KCTD13: variants seen among roughly 807,000 people sequenced by gnomAD.
KCTD13 encodes the protein potassium channel tetramerization domain containing 13.
A neutral mutation model predicts 32.3 loss-of-function variants in KCTD13; 15 were observed. The observed-to-expected ratio is 0.46, with a 90% CI of 0.31 to 0.71. The LOEUF is 0.71. Ranked by LOEUF, KCTD13 falls within the 30% of genes least tolerant of loss-of-function variation. KCTD13 has a pLI of 0.05. For synonymous variants in KCTD13, 189 were observed against 200.1 expected (o/e 0.94, Z 0.47); for missense variants, 337 against 452.6 (o/e 0.74, Z 2.32).
At chr16:29,909,539 G>A (rs919275098) in intron 5 of KCTD13, among the ~76,000 whole-genome samples, 7 of 152,144 alleles carry the variant, frequency 4.6e-5, no homozygotes, top group African/African-American at 1.7e-4. Context: ...GCCCGGTACA[G>A]TACTTAGCAC....
At chr16:29,923,769 G>A (rs1208239462) in intron 1 of KCTD13, among the ~76,000 whole-genome samples, 1 of 152,016 alleles carries the variant, frequency 6.6e-6, no homozygotes, top group African/African-American at 2.4e-5. Context: ...CAGGAGAATC[G>A]CTTGAAGCCG....
chr16:29,925,391 C>A, intron 1 of KCTD13: 1 of 286,352 alleles, frequency 3.5e-6, no homozygotes, highest in Non-Finnish European at 6.8e-6. Flanking sequence ...GAGAGGGAAA[C>A]AAAAGGCTGG....
intron 3 of KCTD13, 27 bp downstream of exon 3, chr16:29,911,933 C>T (rs1206534635): frequency 2.5e-6 from 4 of 1,609,432 alleles, no homozygotes; most frequent in African/African-American, 2.7e-5. Flanking sequence ...CAGTGAGCCT[C>T]CACCCTGCAG....
In KCTD13 at chr16:29,911,464, G is replaced by C. The variant is rs151147163; in HGVS notation, c.558-291C>G. 1.0e-3 allele frequency: 591 copies of C among 563,838 alleles called. 14 individuals carry two copies. In the East Asian group the frequency reaches 0.014, roughly 13 times the overall value. 34.9% of individuals were successfully genotyped at this position (563,838 alleles called of 1,614,324 possible). A position where few individuals can be genotyped will look rare whatever the true frequency, so the allele number is the denominator to read the frequency against. On this transcript the variant is annotated intron_variant, in intron 4 of 5. Transcript: ENST00000568000. The stretch of plus-strand genomic sequence containing the variant: ...CCATTTTTTAACTGGGTGACACTAG[G>C]CAAGTTACTTCACCTCTTGGTGTCC...
chr16:29,907,072 G>A lies in KCTD13; in HGVS notation c.790C>T (p.Leu264=), dbSNP rs542170510. ...GGAGTCTCGTAGATGAGGATGTTCA[G>A]GGTCTCCTCGAAGATCCGGGCCTCT... The part of the protein sequence containing the change: ...FPEARIFEET[L]NILIYETPRG... Residue 264 remains leucine, a synonymous_variant, in exon 6 of 6, where the codon CTG becomes TTG. Transcript: ENST00000568000. 6.2e-7 allele frequency: 1 copy of A among 1,612,178 alleles called. No homozygotes were observed. The highest frequency in any genetic ancestry group is 1.1e-5 in the South Asian group (1 of 91,052).
In KCTD13 at chr16:29,926,103, C is replaced by G; in HGVS notation, c.-70G>C. On this transcript the variant is annotated 5_prime_UTR_variant, in exon 1 of 6. Transcript: ENST00000568000. The stretch of plus-strand genomic sequence containing the variant: ...CCTGCGGCCTGCTCCCGAAGACCCT[C>G]GGCCGGCCCCCAGCCCTTGGGCCAG... 1.4e-6 allele frequency: 2 copies of G among 1,426,326 alleles called. No homozygotes were observed. The highest frequency in any genetic ancestry group is 1.8e-6 in the Non-Finnish European group (2 of 1,097,556). The allele number at this position is 1,426,326 out of a possible 1,614,324, so 88.4% of individuals were successfully genotyped here. A position where few individuals can be genotyped will look rare whatever the true frequency, so the allele number is the denominator to read the frequency against.
At chr16:29,911,906 G>T in intron 3 of KCTD13, 39 bp from the exon 4 acceptor site, 2 of 1,609,648 alleles carry the variant, frequency 1.2e-6, no homozygotes, top group Non-Finnish European at 8.5e-7. Flanking sequence ...GGGTGAGGCT[G>T]CAGGGAGAGG....
At chr16:29,913,672 G>C (rs1480970069) in intron 2 of KCTD13, 2 of 152,156 alleles carry the variant, frequency 1.3e-5, no homozygotes, top group African/African-American at 2.4e-5. Flanking sequence ...CTCTGAGAAA[G>C]CTTGTTCATG....
chr16:29,914,318 C>T (rs996331398), intron 2 of KCTD13: 1 of 152,182 alleles, frequency 6.6e-6, no homozygotes, highest in Non-Finnish European at 1.5e-5. Context: ...TCCAGGATCC[C>T]CCATCATCCC....
intron 5 of KCTD13, among the ~76,000 whole-genome samples, chr16:29,909,512 A>G (rs2068668610): frequency 6.6e-6 from 1 of 152,150 alleles, no homozygotes; most frequent in East Asian, 1.9e-4. Flanking sequence ...TCAGCACTTC[A>G]TTCCCCTTGA....
At chr16:29,921,429 C>T (rs1021264140) in intron 2 of KCTD13, 2 of 152,150 alleles carry the variant, frequency 1.3e-5, no homozygotes, top group Non-Finnish European at 1.5e-5. Flanking sequence ...TAGAAAAGTA[C>T]AGCTCTTGGG....
intron 5 of KCTD13, among the ~76,000 whole-genome samples, chr16:29,909,477 A>G (rs1344897364): frequency 1.3e-5 from 2 of 152,156 alleles, no homozygotes; most frequent in African/African-American, 2.4e-5. Context: ...GGAAGGGACC[A>G]GATGAGGAAG....
chr16:29,919,935 T>C (rs1035062875), intron 2 of KCTD13: 2 of 152,324 alleles, frequency 1.3e-5, no homozygotes, highest in South Asian at 2.1e-4. Context: ...GTGGGTGACA[T>C]TCTAAGAAAA....
chr16:29,921,535 G>C (rs1379462135), intron 2 of KCTD13: 1 of 151,934 alleles, frequency 6.6e-6, no homozygotes, highest in African/African-American at 2.4e-5. Flanking sequence ...AAGCTCCCTC[G>C]CGTTTCTTTT....
chr16:29,911,397 G>A (rs2068706377), intron 4 of KCTD13: 4 of 570,772 alleles, frequency 7.0e-6, no homozygotes, highest in Non-Finnish European at 1.2e-5. Context: ...GCTCCAGTGA[G>A]GGACCGGGAG....
intron 5 of KCTD13, 71 bp from the exon 6 acceptor site, chr16:29,907,179 G>A (rs565806505): frequency 9.1e-7 from 1 of 1,096,464 alleles, no homozygotes; most frequent in Non-Finnish European, 1.3e-6. Context: ...CCTGCCTAGG[G>A]CCCCTGCACC....
intron 2 of KCTD13, chr16:29,913,170 C>T (rs1254129555): frequency 1.4e-5 from 2 of 139,626 alleles, no homozygotes; most frequent in African/African-American, 5.4e-5. Flanking sequence ...GTCATCCAGG[C>T]TGAGTGCAGT....
chr16:29,911,181 C>T lies in KCTD13; in HGVS notation c.558-8G>A. On this transcript the variant is annotated splice_region_variant and splice_polypyrimidine_tract_variant and intron_variant, in intron 4 of 5. Transcript: ENST00000568000. Reference sequence around the variant, plus strand: ...AGGTTGTCATCTGAAGTGCTGGGGACCAGGGGACCAGGAGGCCTCAGCGCA... The same window carrying T: ...AGGTTGTCATCTGAAGTGCTGGGGATCAGGGGACCAGGAGGCCTCAGCGCA... 6.2e-7 allele frequency: 1 copy of T among 1,612,654 alleles called. No homozygotes were observed. Among genetic ancestry groups the T allele is most frequent in the Non-Finnish European group, 8.5e-7 (1 of 1,178,984 alleles).
chr16:29,909,557 G>C (rs933294583), intron 5 of KCTD13, among the ~76,000 whole-genome samples: 2 of 152,134 alleles, frequency 1.3e-5, no homozygotes, highest in Non-Finnish European at 2.9e-5. Flanking sequence ...CACAGAGCAG[G>C]GGCTTGGGGA....
Sources: allele counts gnomAD v4.1 joint callset (sites outside exome capture counted in the v4.1 genomes callset), GRCh38; gene constraint gnomAD v4.1.1; transcripts MANE v1.5; gene names NCBI Gene and HGNC (gene_info 2026-07-23, HGNC 2026-07-21).